The following PROSER3 variants were observed in gnomAD, a reference collection of about 807,000 sequenced individuals.
PROSER3 encodes the protein proline and serine rich 3, also known as proline and serine-rich protein 3.
A neutral mutation model predicts 50.2 loss-of-function variants in PROSER3; 33 were observed. The observed-to-expected ratio is 0.66, with a 90% CI of 0.50 to 0.88. The LOEUF (loss-of-function observed/expected upper bound fraction) is 0.88. Among genes scored for constraint, PROSER3 ranks in the 40% least tolerant of loss-of-function variants. The pLI, the probability that PROSER3 is intolerant of heterozygous loss-of-function variation, is 0.00. For synonymous variants in PROSER3, 266 were observed against 259.3 expected (o/e 1.03, Z -0.25); for missense variants, 623 against 612.7 (o/e 1.02, Z -0.18).
rs534195783 is a variant in PROSER3, at chr19:35,766,976, G to A, written c.957+21G>A. The stretch of plus-strand genomic sequence containing the variant: ...CGTTGGTGAGCCGAGGGAGGGAGGA[G>A]CCTGGGGGGAGCTGGAGGAGGGGCT... On this transcript the variant is annotated intron_variant, in intron 8 of 10. Coordinates refer to ENST00000396908, the Ensembl canonical transcript of PROSER3. 11 of 1,537,104 alleles carry A rather than the reference G, an allele frequency of 7.2e-6. No homozygotes were observed. In the East Asian group the frequency reaches 1.7e-4, roughly 24 times the overall value.
intron 5 of PROSER3, among the ~76,000 whole-genome samples, chr19:35,764,533 G>A (rs1482866367): frequency 6.6e-6 from 1 of 152,126 alleles, no homozygotes; most frequent in Admixed American, 6.6e-5. Context: ...GCGCATGCCT[G>A]TAATCCCAGG....
chr19:35,759,723 GT>G (rs1970890728), intron 2 of PROSER3, 65 bp from the exon 3 acceptor site: 1 of 1,414,050 alleles, frequency 7.1e-7, no homozygotes, highest in Non-Finnish European at 9.7e-7. Context: ...GTGTGTCCTG[GT>G]TCCCCTGCAG....
chr19:35,763,002 A>C (rs1455488894), intron 5 of PROSER3: 1 of 150,764 alleles, frequency 6.6e-6, no homozygotes, highest in Non-Finnish European at 1.5e-5. Flanking sequence ...AGCGCACTCC[A>C]GCCTGGCGAC....
chr19:35,769,327 T>C (rs1971276987), downstream of PROSER3: 1 of 129,110 alleles, frequency 7.7e-6, no homozygotes, highest in Admixed American at 8.2e-5. Context: ...TTTTTTTGGA[T>C]GGAGTCTAGC....
At chr19:35,759,621 C>T in intron 2 of PROSER3, 151 bp downstream of exon 2, 1 of 978,280 alleles carries the variant, frequency 1.0e-6, no homozygotes, top group Non-Finnish European at 1.5e-6. Flanking sequence ...TTGTCCCCCT[C>T]TCTACCACCT....
intron 8 of PROSER3, chr19:35,767,667 T>G: frequency 8.7e-7 from 1 of 1,148,854 alleles, no homozygotes; most frequent in Non-Finnish European, 1.2e-6. Flanking sequence ...GCTCGGCTGT[T>G]CCCTGACAGC....
intron 8 of PROSER3, 55 bp downstream of exon 8, chr19:35,767,010 G>C: frequency 6.7e-7 from 1 of 1,487,698 alleles, no homozygotes; most frequent in Non-Finnish European, 9.0e-7. Context: ...CTGGGTCTGA[G>C]GGGGACTGAG....
At chr19:35,771,140 G>C (rs1971304476), downstream of PROSER3, 1 of 151,914 alleles carries the variant, frequency 6.6e-6, no homozygotes, top group Non-Finnish European at 1.5e-5. Flanking sequence ...AAATAAATAA[G>C]TAAATAAATA....
chr19:35,761,916 C>T, intron 3 of PROSER3, 103 bp from the exon 4 acceptor site: 1 of 1,312,266 alleles, frequency 7.6e-7, no homozygotes, highest in South Asian at 1.8e-5. Context: ...GGATAGCTAC[C>T]AGGCTCTGCC....
At chr19:35,758,757 C>T (rs1970854431) in intron 1 of PROSER3, 1 of 153,642 alleles carries the variant, frequency 6.5e-6, no homozygotes, top group South Asian at 1.9e-4. Context: ...CAACCTCTGC[C>T]CCCGGGTTAA....
At chr19:35,768,442 C>T (rs961148360) in exon 11 of PROSER3, 39 of 1,598,012 alleles carry the variant, frequency 2.4e-5, no homozygotes, top group Non-Finnish European at 3.3e-5. Flanking sequence ...TTGGACCAGG[C>T]TGAAGACCTG....
exon 11 of PROSER3, chr19:35,768,539 A>T: frequency 6.3e-7 from 1 of 1,589,484 alleles, no homozygotes; most frequent in Non-Finnish European, 8.5e-7. Context: ...AGGCCAGAAG[A>T]CTTTGAATTG....
intron 10 of PROSER3, 80 bp from the exon 11 acceptor site, chr19:35,768,324 T>C: frequency 6.3e-7 from 1 of 1,579,796 alleles, no homozygotes; most frequent in Non-Finnish European, 8.6e-7. Context: ...CCTCATCCCC[T>C]GTCCCAGCAG....
chr19:35,767,959 C>A, exon 9 of PROSER3: 2 of 1,609,796 alleles, frequency 1.2e-6, no homozygotes, highest in Non-Finnish European at 1.7e-6. Context: ...CGCCAGCCTT[C>A]CAGGTGGGGT....
At chr19:35,767,134 G>GCTCCACAGTGGGACA in intron 8 of PROSER3, 1 of 781,692 alleles carries the variant, frequency 1.3e-6, no homozygotes, top group Non-Finnish European at 1.9e-6. Context: ...ATGTCCCACT[G>GCTCCACAGTGGGACA]TGGAGCAGTG....
In PROSER3 at chr19:35,765,105, C is replaced by G; in HGVS notation, c.698C>G (p.Ser233Cys). The G allele has an allele frequency of 1.2e-6, 2 of 1,614,020 alleles. No individual in the cohort carries two copies. Among genetic ancestry groups the G allele is most frequent in the Non-Finnish European group, 1.7e-6 (2 of 1,179,892 alleles). Reference sequence around the variant, plus strand: ...AGCACTTCCTCATTCCCCACCAGCTCTGATGGCCTCTCTCCCTTCTCGGAG... The same window carrying G: ...AGCACTTCCTCATTCCCCACCAGCTGTGATGGCCTCTCTCCCTTCTCGGAG... Residue 233 changes from serine (S) to cysteine (C), a missense_variant, in exon 7 of 11, where the codon TCT becomes TGT. Coordinates refer to ENST00000396908, the Ensembl canonical transcript of PROSER3.
At chr19:35,759,334 C>G in intron 1 of PROSER3, 40 bp from the exon 2 acceptor site, 2 of 1,563,146 alleles carry the variant, frequency 1.3e-6, no homozygotes, top group Non-Finnish European at 1.7e-6. Context: ...AGGGCTGCGG[C>G]GAAACCACGT....
intron 8 of PROSER3, chr19:35,767,767 C>T: frequency 6.3e-7 from 1 of 1,582,656 alleles, no homozygotes; most frequent in Non-Finnish European, 8.6e-7. Flanking sequence ...AAACCAAGGT[C>T]ACTCCCCCTC....
chr19:35,767,028 C>T (rs765637749), intron 8 of PROSER3, 44 bp from the exon 9 acceptor site: 9 of 1,362,848 alleles, frequency 6.6e-6, no homozygotes, highest in Non-Finnish European at 7.7e-6. Flanking sequence ...GAGGACCCTC[C>T]ACCCTCTCTC....
Sources: allele counts gnomAD v4.1 joint callset (sites outside exome capture counted in the v4.1 genomes callset), GRCh38; gene constraint gnomAD v4.1.1; transcripts MANE v1.5; gene names NCBI Gene and HGNC (gene_info 2026-07-23, HGNC 2026-07-21).